C1orf52: variants seen among roughly 807,000 people sequenced by gnomAD.
C1orf52 encodes chromosome 1 open reading frame 52, also known as UPF0690 protein C1orf52.
In C1orf52, 5 loss-of-function variants were observed where a neutral mutation model predicts 17.2. The observed-to-expected ratio is 0.29, with a 90% confidence interval of 0.15 to 0.61. C1orf52 has a LOEUF of 0.61. Among genes scored for constraint, C1orf52 ranks in the 20% least tolerant of loss-of-function variants. The probability of loss-of-function intolerance (pLI) is 0.85; values close to 1 mark genes in which losing one functional copy is unlikely to be tolerated. For synonymous variants in C1orf52, 110 were observed against 88.0 expected, an observed-to-expected ratio of 1.25 and a Z score of -1.40; for missense variants, 245 against 234.1, an observed-to-expected ratio of 1.05 and a Z score of -0.30.
chr1:85,258,598 T>C lies in C1orf52; in HGVS notation c.401A>G (p.Asp134Gly), dbSNP rs1401446398. The C allele has an allele frequency of 1.2e-6, 2 of 1,614,202 alleles. No individual in the cohort carries two copies. Among genetic ancestry groups the C allele is most frequent in the Non-Finnish European group, 1.7e-6 (2 of 1,180,024 alleles). Residue 134 changes from aspartate (D) to glycine (G), a missense_variant, in exon 2 of 3, where the codon GAC (aspartate) becomes GGC (glycine). Asp to Gly is a moderately conservative substitution (Grantham distance 94). Coordinates refer to ENST00000471115, the MANE Select transcript of C1orf52 (RefSeq NM_198077.4). ...ATTCTGTGGAGCATCATCACCATTG[T>C]CCTCATATATGTTAGACCATTTTAT... is the stretch of plus-strand genomic sequence containing the variant. ...MAIKWSNIYEDNGDDAPQNAK... is the reference protein window; with the variant it reads ...MAIKWSNIYEGNGDDAPQNAK...
intron 2 of C1orf52, 52 bp from the exon 3 acceptor site, chr1:85,252,754 T>C (rs1349543800): frequency 2.3e-6 from 3 of 1,320,038 alleles, no homozygotes; most frequent in Non-Finnish European, 3.2e-6. Context: ...AAACCCAACA[T>C]GTTAAGCATT....
Position 85,251,777 on chromosome 1 carries a change from A to G in C1orf52, c.*852T>C, listed in dbSNP as rs1659808345. On this transcript the variant is annotated 3_prime_UTR_variant, in exon 3 of 3. Transcript: ENST00000471115. Reference sequence around the variant, plus strand: ...GCACAGATGACAAGTACAGTCATCCAATCAGGAGAGGAAAAGATCTCTACT... The same window carrying G: ...GCACAGATGACAAGTACAGTCATCCGATCAGGAGAGGAAAAGATCTCTACT... 6.6e-6 allele frequency: 1 copy of G among 152,264 alleles called. No individual in the cohort carries two copies. 9.4% of individuals were successfully genotyped at this position (152,264 alleles called of 1,614,324 possible).
At chr1:85,254,151 T>G (rs752469475) in intron 2 of C1orf52, among the ~76,000 whole-genome samples, 1 of 151,992 alleles carries the variant, frequency 6.6e-6, no homozygotes, top group Non-Finnish European at 1.5e-5. Context: ...CATTTATTGA[T>G]GCAGATAACA....
At chr1:85,257,496 C>G in intron 2 of C1orf52, 1 of 717,098 alleles carries the variant, frequency 1.4e-6, no homozygotes, top group Non-Finnish European at 2.6e-6. Flanking sequence ...TTAAAAATGA[C>G]TGTGGACAGG....
chr1:85,255,237 T>C (rs1236950655), intron 2 of C1orf52, among the ~76,000 whole-genome samples: 2 of 152,142 alleles, frequency 1.3e-5, no homozygotes, highest in African/African-American at 4.8e-5. Context: ...AAGCTTTGCT[T>C]ACCTACATTT....
chr1:85,250,406 C>T lies in C1orf52; in HGVS notation c.*2223G>A, dbSNP rs1557776584. 1 of 152,192 alleles carries T rather than the reference C, an allele frequency of 6.6e-6. No homozygotes were observed. The highest frequency in any genetic ancestry group is 1.5e-5 in the Non-Finnish European group (1 of 68,040). The allele number at this position is 152,192 out of a possible 1,614,324, so 9.4% of individuals were successfully genotyped here. A position where few individuals can be genotyped will look rare whatever the true frequency, so the allele number is the denominator to read the frequency against. On this transcript the variant is annotated 3_prime_UTR_variant, in exon 3 of 3. Transcript: ENST00000471115. ...TTAAGACTTTTCCCCACTAGGTTTC[C>T]ACTAGCTCAACCAAACTTCACCTCA...
intron 2 of C1orf52, among the ~76,000 whole-genome samples, chr1:85,256,686 C>T (rs563857619): frequency 6.6e-6 from 1 of 151,210 alleles, no homozygotes; most frequent in Non-Finnish European, 1.5e-5. Flanking sequence ...GCAGTCCCAG[C>T]TGCTTGGGAG....
At chr1:85,252,842 A>T in intron 2 of C1orf52, 140 bp from the exon 3 acceptor site, 1 of 636,588 alleles carries the variant, frequency 1.6e-6, no homozygotes, top group Non-Finnish European at 2.7e-6. Flanking sequence ...ATAAAAAACA[A>T]GAATTAACTT....
At chr1:85,252,749 C>T (rs933367975) in intron 2 of C1orf52, 47 bp from the exon 3 acceptor site, 14 of 1,396,726 alleles carry the variant, frequency 1.0e-5, no homozygotes, top group Non-Finnish European at 1.4e-5. Flanking sequence ...TTAAAAAACC[C>T]AACATGTTAA....
At chr1:85,259,080 G>T in intron 1 of C1orf52, 2 of 1,353,344 alleles carry the variant, frequency 1.5e-6, no homozygotes, top group Non-Finnish European at 1.9e-6. Flanking sequence ...GGGGGGGCGG[G>T]GGAGTCACCA....
chr1:85,259,435 T>C lies in C1orf52; in HGVS notation c.199A>G (p.Thr67Ala), dbSNP rs148943228. 1.0e-4 allele frequency: 168 copies of C among 1,613,806 alleles called. No homozygotes were observed. In the African/African-American group the frequency reaches 1.6e-3, roughly 16 times the overall value. ...PGPDELFRSV[T>A]RPAFLYNPLN... is the part of the protein sequence containing the mutation. Reference sequence around the variant, plus strand: ...GGATTGTAGAGAAAGGCCGGGCGAGTCACGCTCCTAAACAGCTCGTCAGGT... The same window carrying C: ...GGATTGTAGAGAAAGGCCGGGCGAGCCACGCTCCTAAACAGCTCGTCAGGT... Residue 67 changes from threonine (T) to alanine (A), a missense_variant, in exon 1 of 3, where the codon ACT becomes GCT. Transcript: ENST00000471115.
At chr1:85,257,575 T>C (rs980039976) in intron 2 of C1orf52, 147 of 671,804 alleles carry the variant, frequency 2.2e-4, no homozygotes, top group Non-Finnish European at 3.2e-4. Flanking sequence ...GCAAGTTATA[T>C]AATCAGATAC....
At chr1:85,255,322 C>G (rs1430220189) in intron 2 of C1orf52, among the ~76,000 whole-genome samples, 1 of 152,050 alleles carries the variant, frequency 6.6e-6, no homozygotes, top group South Asian at 2.1e-4. Flanking sequence ...GAGGCTGAAG[C>G]GGGCGGATCA....
chr1:85,256,383 A>G (rs1202308368), intron 2 of C1orf52, among the ~76,000 whole-genome samples: 1 of 152,212 alleles, frequency 6.6e-6, no homozygotes, highest in East Asian at 1.9e-4. Flanking sequence ...CTATTTTAGA[A>G]TTTGGCATTT....
rs1350286577 is a variant in C1orf52, at chr1:85,251,615, T to C, written c.*1014A>G. On this transcript the variant is annotated 3_prime_UTR_variant, in exon 3 of 3. Coordinates refer to ENST00000471115, the MANE Select transcript of C1orf52 (RefSeq NM_198077.4). Reference sequence around the variant, plus strand: ...CAGATAAAAGATGTTCAGTTAAATTTGAATTTCAGATAAACACATTTTTTG... The same window carrying C: ...CAGATAAAAGATGTTCAGTTAAATTCGAATTTCAGATAAACACATTTTTTG... The C allele has an allele frequency of 6.6e-6, 1 of 152,252 alleles. No homozygotes were observed. Among genetic ancestry groups the C allele is most frequent in the Non-Finnish European group, 1.5e-5 (1 of 68,048 alleles). 9.4% of individuals were successfully genotyped at this position (152,252 alleles called of 1,614,324 possible). A position where few individuals can be genotyped will look rare whatever the true frequency, so the allele number is the denominator to read the frequency against.
At chr1:85,253,772 TA>T (rs10710331) in intron 2 of C1orf52, among the ~76,000 whole-genome samples, 49,543 of 150,568 alleles carry the variant, frequency 0.33, 8,442 homozygotes, top group South Asian at 0.39. Context: ...ACTACATGGT[TA>T]AAAAAAAAAT....
chr1:85,259,213 A>G (rs1202377199), intron 1 of C1orf52, 145 bp downstream of exon 1: 56 of 1,020,422 alleles, frequency 5.5e-5, no homozygotes, highest in Non-Finnish European at 6.2e-5. Context: ...CAGGTTTCCC[A>G]GGGCTTGAGG....
At chr1:85,257,896 A>C (rs1659985210) in intron 2 of C1orf52, among the ~76,000 whole-genome samples, 1 of 152,114 alleles carries the variant, frequency 6.6e-6, no homozygotes, top group East Asian at 1.9e-4. Context: ...ACCTGAGGTC[A>C]GGAGTTCAAG....
chr1:85,254,581 C>T lies in C1orf52; in HGVS notation c.476-1879G>A, dbSNP rs181687933. Reference sequence around the variant, plus strand: ...TAATTTTTTGTATTTTTAGTAGAGACGGGGTTTCACGGTGTTAACCAGGAT... The same window carrying T: ...TAATTTTTTGTATTTTTAGTAGAGATGGGGTTTCACGGTGTTAACCAGGAT... On this transcript the variant is annotated intron_variant, in intron 2 of 2. Transcript: ENST00000471115. Among the ~76,000 whole-genome samples, 461 of 152,132 alleles carry T rather than the reference C, an allele frequency of 3.0e-3. 2 individuals carry two copies. Among genetic ancestry groups the T allele is most frequent in the African/African-American group, 0.011 (439 of 41,494 alleles).
Sources: allele counts gnomAD v4.1 joint callset (sites outside exome capture counted in the v4.1 genomes callset), GRCh38; gene constraint gnomAD v4.1.1; transcripts MANE v1.5; gene names NCBI Gene and HGNC (gene_info 2026-07-23, HGNC 2026-07-21).